Variants in SLC9D1 observed in about 807,000 individuals in gnomAD.
SLC9D1 encodes the protein solute carrier family 9 member D1, also known as putative LAG1-interacting protein.
At chr13:113,510,802 T>C in the SLC9D1 span, among the ~76,000 whole-genome samples, 2 of 152,260 alleles carry the variant, frequency 1.3e-5, no homozygotes, top group Non-Finnish European at 2.9e-5. Flanking sequence ...ATTGATACAC[T>C]TTTGATACTT....
At chr13:113,542,798 C>A in the SLC9D1 span, among the ~76,000 whole-genome samples, 45 of 152,064 alleles carry the variant, frequency 3.0e-4, no homozygotes, top group Non-Finnish European at 6.3e-4. Flanking sequence ...CTCAACCAAA[C>A]GGAAAATTCA....
At chr13:113,544,224 G>A in the SLC9D1 span, among the ~76,000 whole-genome samples, 6 of 152,344 alleles carry the variant, frequency 3.9e-5, no homozygotes, top group South Asian at 2.1e-4. Context: ...TTCCCGCCCC[G>A]AGGCTCGTGC....
chr13:113,501,572 C>T, the SLC9D1 span, among the ~76,000 whole-genome samples: 1 of 152,212 alleles, frequency 6.6e-6, no homozygotes, highest in African/African-American at 2.4e-5. Flanking sequence ...AGAATACACT[C>T]TTCATATTTT....
chr13:113,514,064 C>T, the SLC9D1 span, among the ~76,000 whole-genome samples: 10 of 152,050 alleles, frequency 6.6e-5, no homozygotes, highest in Non-Finnish European at 1.3e-4. Context: ...TTTAGAACTA[C>T]GAGAAGGAAA....
the SLC9D1 span, among the ~76,000 whole-genome samples, chr13:113,539,099 G>A: frequency 5.3e-4 from 81 of 152,312 alleles, no homozygotes; most frequent in African/African-American, 1.7e-3. The surrounding 1 kb of genome is among the most constrained non-coding windows in gnomAD (Gnocchi z 4.8). Flanking sequence ...AAATTTCAGC[G>A]CAATCTGTAT....
the SLC9D1 span, chr13:113,548,575 G>C: frequency 2.7e-6 from 3 of 1,095,116 alleles, no homozygotes; most frequent in Non-Finnish European, 3.8e-6. Flanking sequence ...CCTCCTCCAG[G>C]GGGGCACGCA....
the SLC9D1 span, among the ~76,000 whole-genome samples, chr13:113,497,206 G>T: frequency 0.19 from 28,144 of 151,988 alleles, 3,439 homozygotes; most frequent in African/African-American, 0.35. Flanking sequence ...CTGTAGCTGT[G>T]TGTCAGGTCT....
At chr13:113,501,925 T>C in the SLC9D1 span, 2 of 1,480,064 alleles carry the variant, frequency 1.4e-6, no homozygotes, top group South Asian at 1.2e-5. Context: ...TAACAGAATA[T>C]AAAAAGAGAA....
At chr13:113,521,496 G>A in the SLC9D1 span, among the ~76,000 whole-genome samples, 5 of 151,142 alleles carry the variant, frequency 3.3e-5, no homozygotes. Context: ...GTATATCTGT[G>A]TGTTGCATGT....
At chr13:113,500,360 A>G in the SLC9D1 span, among the ~76,000 whole-genome samples, 1 of 152,236 alleles carries the variant, frequency 6.6e-6, no homozygotes, top group Non-Finnish European at 1.5e-5. Flanking sequence ...TTAAAATGAA[A>G]GTTAATTTTG....
the SLC9D1 span, among the ~76,000 whole-genome samples, chr13:113,521,624 G>A: frequency 2.0e-5 from 3 of 152,062 alleles, no homozygotes; most frequent in African/African-American, 4.8e-5. Context: ...CCACTTCCCC[G>A]ATCCTTCTTT....
At chr13:113,549,538 A>AT in the SLC9D1 span, 1 of 1,614,064 alleles carries the variant, frequency 6.2e-7, no homozygotes. Context: ...CCAGCCTCTG[A>AT]TGGCTCGGAG....
the SLC9D1 span, among the ~76,000 whole-genome samples, chr13:113,497,483 ACAGCTGTGTGAGACCTG>A: frequency 8.1e-6 from 1 of 124,034 alleles, no homozygotes; most frequent in Non-Finnish European, 1.6e-5. Context: ...TGTGAGACCT[ACAGCTGTGTGAGACCTG>A]CAGCTGTGTG....
chr13:113,530,036 C>T, the SLC9D1 span: 1 of 152,326 alleles, frequency 6.6e-6, no homozygotes, highest in East Asian at 1.9e-4. Context: ...GAATATTATT[C>T]AGCCATAATA....
chr13:113,495,673 G>A, the SLC9D1 span: 6 of 1,609,424 alleles, frequency 3.7e-6, no homozygotes, highest in East Asian at 2.2e-5. Flanking sequence ...GTGGCGCAGC[G>A]TGTGATCAAA....
At chr13:113,520,928 T>C in the SLC9D1 span, among the ~76,000 whole-genome samples, 1 of 152,196 alleles carries the variant, frequency 6.6e-6, no homozygotes. Context: ...GCAGGTGACT[T>C]ATCCTCACAG....
the SLC9D1 span, chr13:113,499,897 AT>A: frequency 9.3e-7 from 1 of 1,077,234 alleles, no homozygotes; most frequent in East Asian, 2.9e-5. Context: ...TTTAGCGTTC[AT>A]TCTCCAAAAA....
chr13:113,544,908 C>T, the SLC9D1 span, among the ~76,000 whole-genome samples: 5,875 of 152,356 alleles, frequency 0.039, 308 homozygotes, highest in African/African-American at 0.12. Context: ...AAGTGTTTTC[C>T]ATCTTGGCCT....
the SLC9D1 span, among the ~76,000 whole-genome samples, chr13:113,508,117 T>G: frequency 0.39 from 59,674 of 152,156 alleles, 12,912 homozygotes; most frequent in African/African-American, 0.58. Flanking sequence ...TGGACACCTT[T>G]CTCCCAGGGC....
Sources: gnomAD v4.1 joint callset for allele counts (sites outside exome capture counted in the v4.1 genomes callset) on GRCh38, gnomAD v4.1.1 for gene constraint, Gnocchi (gnomAD v3.1) non-coding constraint, MANE v1.5 for transcripts, NCBI Gene and HGNC (gene_info 2026-07-23, HGNC 2026-07-21) for gene names.